L3MBTL4: variants seen among roughly 807,000 people sequenced by gnomAD.
L3MBTL4 encodes the protein L3MBTL histone methyl-lysine binding protein 4, also known as lethal(3)malignant brain tumor-like protein 4.
In L3MBTL4, 70 loss-of-function variants were observed where a neutral mutation model predicts 84.5. The observed-to-expected ratio is 0.83, with a 90% CI of 0.68 to 1.01. The LOEUF (loss-of-function observed/expected upper bound fraction) is 1.01, where lower values mean the gene tolerates loss of function less well. Among genes scored for constraint, L3MBTL4 ranks in the 50% least tolerant of loss-of-function variants. The pLI, the probability that L3MBTL4 is intolerant of heterozygous loss-of-function variation, is 0.00. For synonymous variants in L3MBTL4, 274 were observed against 259.8 expected (o/e 1.05, Z -0.52); for missense variants, 715 against 754.8 (o/e 0.95, Z 0.62).
At chr18:6,114,990 G>C (rs1179624032) in intron 14 of L3MBTL4, among the ~76,000 whole-genome samples, 2 of 152,216 alleles carry the variant, frequency 1.3e-5, no homozygotes, top group Non-Finnish European at 2.9e-5. Context: ...CCTGGTAAGT[G>C]ATGTGTACAT....
chr18:6,348,085 A>G (rs1197050321), intron 1 of L3MBTL4, among the ~76,000 whole-genome samples: 1 of 152,054 alleles, frequency 6.6e-6, no homozygotes, highest in Non-Finnish European at 1.5e-5. Context: ...AAATCTAACA[A>G]AAGATGAATG....
chr18:6,311,661 A>G lies in L3MBTL4; in HGVS notation c.-31-5T>C, dbSNP rs73387660. On this transcript the variant is annotated splice_region_variant and splice_polypyrimidine_tract_variant and intron_variant, in intron 2 of 18. Transcript: ENST00000317931. Reference sequence around the variant, plus strand: ...GCACTCCTTGGCAGTGGTTTTCTGTAAAACAGGGTTACATAAGAAGTTGGG... The same window carrying G: ...GCACTCCTTGGCAGTGGTTTTCTGTGAAACAGGGTTACATAAGAAGTTGGG... 9 of 1,564,988 alleles carry G rather than the reference A, an allele frequency of 5.8e-6. No homozygotes were observed. The African/African-American group carries it at 1.1e-4, about 19-fold the overall frequency.
At chr18:6,345,772 C>T (rs573429451) in intron 1 of L3MBTL4, among the ~76,000 whole-genome samples, 1 of 152,180 alleles carries the variant, frequency 6.6e-6, no homozygotes, top group Non-Finnish European at 1.5e-5. Flanking sequence ...ATATTCAATG[C>T]ATTCCTTATC....
At chr18:6,050,754 T>C (rs938816623) in intron 16 of L3MBTL4, among the ~76,000 whole-genome samples, 3 of 152,140 alleles carry the variant, frequency 2.0e-5, no homozygotes, top group South Asian at 2.1e-4. Context: ...CTGAAATGAG[T>C]TCTGGAGAGA....
At position 6,333,532 on chromosome 18, in the gene L3MBTL4, G is replaced by A. The variant is rs188438741; in HGVS notation, c.-90-21476C>T. 1.2e-4 allele frequency among the ~76,000 whole-genome samples: 18 copies of A among 147,722 alleles called. No homozygotes were observed. In the East Asian group the frequency reaches 2.8e-3, roughly 23 times the overall value. ...GGAGGTTGCAGTGAGCCAAGATCGC[G>A]CCACTGCACTCCAGCCTGGCGACAA... On this transcript the variant is annotated intron_variant, in intron 1 of 18. Transcript: ENST00000317931.
chr18:6,057,357 C>G (rs985241311), intron 16 of L3MBTL4, among the ~76,000 whole-genome samples: 2 of 152,082 alleles, frequency 1.3e-5, no homozygotes, highest in Admixed American at 6.6e-5. Flanking sequence ...TTCATAATAA[C>G]AGAATAAAAA....
rs560056831 is a variant in L3MBTL4 at position 5,979,620 on chromosome 18, C to T, written c.1445-10058G>A. ...GGGGTGCTGATCCTAGAGCCTACCA[C>T]ACCAGGGGCATTTTTTTCCTCCAAT... is the stretch of plus-strand genomic sequence containing the variant. On this transcript the variant is annotated intron_variant, in intron 16 of 18. Coordinates refer to ENST00000317931, the MANE Select transcript of L3MBTL4 (RefSeq NM_001330559.2). Among the ~76,000 whole-genome samples the T allele has an allele frequency of 5.3e-5, 8 of 152,330 alleles. No homozygotes were observed. The East Asian group carries it at 1.5e-3, about 29-fold the overall frequency.
At chr18:6,380,766 C>T (rs1336382728) in intron 1 of L3MBTL4, among the ~76,000 whole-genome samples, 13 of 152,064 alleles carry the variant, frequency 8.5e-5, no homozygotes, top group Admixed American at 7.9e-4. Context: ...ATAAGTGCGA[C>T]GAGGTGCTGA....
At chr18:6,372,185 T>G (rs2054184319) in intron 1 of L3MBTL4, among the ~76,000 whole-genome samples, 1 of 152,240 alleles carries the variant, frequency 6.6e-6, no homozygotes, top group Non-Finnish European at 1.5e-5. Context: ...GCTTATTTAC[T>G]GCTTGCTAAA....
intron 14 of L3MBTL4, among the ~76,000 whole-genome samples, chr18:6,128,188 A>C (rs1368943997): frequency 1.3e-5 from 2 of 152,084 alleles, no homozygotes; most frequent in East Asian, 1.9e-4. Flanking sequence ...AAAAAAAAAA[A>C]CACAGTATAA....
intron 10 of L3MBTL4, among the ~76,000 whole-genome samples, chr18:6,232,111 G>A (rs1485374853): frequency 6.6e-6 from 1 of 152,072 alleles, no homozygotes; most frequent in Non-Finnish European, 1.5e-5. Flanking sequence ...GTTGAATCTT[G>A]TCAAATGCTT....
intron 5 of L3MBTL4, among the ~76,000 whole-genome samples, chr18:6,262,760 T>C (rs1234988628): frequency 6.6e-6 from 1 of 152,150 alleles, no homozygotes; most frequent in Non-Finnish European, 1.5e-5. Flanking sequence ...TAGTGAAGCA[T>C]ACCACCTAGA....
chr18:6,043,144 T>C (rs1401350991), intron 16 of L3MBTL4, among the ~76,000 whole-genome samples: 1 of 152,192 alleles, frequency 6.6e-6, no homozygotes, highest in Non-Finnish European at 1.5e-5. Context: ...ATCTTTTCTA[T>C]ACCACTGCAC....
chr18:6,329,265 T>G (rs2051896918), intron 1 of L3MBTL4, among the ~76,000 whole-genome samples: 1 of 150,358 alleles, frequency 6.7e-6, no homozygotes, highest in Non-Finnish European at 1.5e-5. Flanking sequence ...GCCATTCTCC[T>G]GCCTCAGCCT....
intron 17 of L3MBTL4, among the ~76,000 whole-genome samples, chr18:5,964,318 C>G (rs1456801611): frequency 6.6e-6 from 1 of 152,224 alleles, no homozygotes; most frequent in Non-Finnish European, 1.5e-5. Context: ...CCTACTTTCC[C>G]TGGCATCATC....
intron 4 of L3MBTL4, 47 bp from the exon 5 acceptor site, chr18:6,264,085 G>A (rs1271844932): frequency 1.5e-6 from 2 of 1,361,094 alleles, no homozygotes; most frequent in Admixed American, 1.8e-5. Flanking sequence ...TTAGTGACAG[G>A]AAAATAATAA....
At chr18:5,970,957 T>A (rs2052612299) in intron 16 of L3MBTL4, among the ~76,000 whole-genome samples, 1 of 152,210 alleles carries the variant, frequency 6.6e-6, no homozygotes, top group Non-Finnish European at 1.5e-5. Flanking sequence ...TAACAGTGCT[T>A]GCTGTCTACA....
At chr18:6,183,060 A>C (rs1210468756) in intron 12 of L3MBTL4, among the ~76,000 whole-genome samples, 1 of 152,240 alleles carries the variant, frequency 6.6e-6, no homozygotes, top group African/African-American at 2.4e-5. Context: ...AGTTATAAGA[A>C]ATAGAATTAG....
At chr18:6,070,105 A>G in intron 16 of L3MBTL4, among the ~76,000 whole-genome samples, 1 of 152,180 alleles carries the variant, frequency 6.6e-6, no homozygotes. Flanking sequence ...TGGAGTCTCA[A>G]TAGGGGAAAT....
Sources: gnomAD v4.1 joint callset for allele counts (sites outside exome capture counted in the v4.1 genomes callset) on GRCh38, gnomAD v4.1.1 for gene constraint, MANE v1.5 for transcripts, NCBI Gene and HGNC (gene_info 2026-07-23, HGNC 2026-07-21) for gene names.